The following SLC22A11 variants were observed in gnomAD, a reference collection of about 807,000 sequenced individuals.
The protein encoded by SLC22A11 is organic anion transporter 4.
SLC22A11 carries 42 observed loss-of-function variants against 49.4 expected under a neutral mutation model. The observed-to-expected ratio is 0.85, with a 90% CI of 0.66 to 1.10. The LOEUF is 1.10. SLC22A11 is among the 50% of genes least tolerant of loss of function. SLC22A11 has a pLI of 0.00. For synonymous variants in SLC22A11, 304 were observed against 315.8 expected (o/e 0.96, Z 0.40); for missense variants, 685 against 731.6 (o/e 0.94, Z 0.74).
Position 64,556,311 on chromosome 11 carries a change from C to A in SLC22A11, c.312C>A (p.Ser104Arg), listed in dbSNP as rs2277313. ...QLLDPNATATSWSEADTEPCV... is the reference protein window; with the variant it reads ...QLLDPNATATRWSEADTEPCV... ...TGGACCCCAATGCCACGGCCACCAGCTGGAGCGAAGCTGACACGGAGCCGT... is the reference window on the plus strand; with the variant it reads ...TGGACCCCAATGCCACGGCCACCAGATGGAGCGAAGCTGACACGGAGCCGT... The change falls in exon 1 of 10, where the codon AGC (serine) becomes AGA (arginine). Residue 104 changes from serine to arginine, a missense_variant. Transcript: ENST00000301891. 1 of 1,613,670 alleles carries A rather than the reference C, an allele frequency of 6.2e-7. No homozygotes were observed. Among genetic ancestry groups the A allele is most frequent in the Middle Eastern group, 1.7e-4 (1 of 6,060 alleles).
Position 64,570,982 on chromosome 11 carries a change from A to G in SLC22A11, c.1593A>G (p.Lys531=). The part of the protein sequence containing the change: ...PDTIQDLESQ[K]STAAQGNRQE... ...GCTTTTCTTTGGATTATTCTAGGAA[A>G]TCAACAGCAGCCCAGGGCAACCGGC... The change falls in exon 10 of 10, where the codon AAA becomes AAG. Residue 531 remains lysine, a synonymous_variant. Coordinates refer to ENST00000301891, the MANE Select transcript of SLC22A11 (RefSeq NM_018484.4). The G allele has an allele frequency of 6.2e-7, 1 of 1,614,198 alleles. No homozygotes were observed. Among genetic ancestry groups the G allele is most frequent in the Non-Finnish European group, 8.5e-7 (1 of 1,180,030 alleles).
chr11:64,560,096 G>A (rs1032010339), intron 2 of SLC22A11, among the ~76,000 whole-genome samples: 12 of 129,290 alleles, frequency 9.3e-5, no homozygotes, highest in African/African-American at 2.1e-4. Flanking sequence ...AGCCTCCATC[G>A]GAGGACACAG....
chr11:64,562,852 A>C lies in SLC22A11; in HGVS notation c.821+417A>C, dbSNP rs523237. Among the ~76,000 whole-genome samples the C allele has an allele frequency of 0.73, 111,163 of 152,134 alleles. 41,128 individuals are homozygous for C. The highest frequency in any genetic ancestry group is 0.84 in the African/African-American group (35,007 of 41,514). ...GGAAGCGGCCGCTCTCCCGGTCCCC[A>C]AGGCCCCACTGCCGCTGTCCCCTGG... On this transcript the variant is annotated intron_variant, in intron 4 of 9. Transcript: ENST00000301891. This position sits in a 1 kb window ranked among gnomAD's most constrained non-coding sequence, Gnocchi z 4.4.
At chr11:64,558,356 T>C (rs2038492322) in intron 1 of SLC22A11, among the ~76,000 whole-genome samples, 1 of 151,938 alleles carries the variant, frequency 6.6e-6, no homozygotes, top group South Asian at 2.1e-4. Flanking sequence ...AGAAGCTCTG[T>C]GGGGGGATGG....
chr11:64,561,313 G>T (rs914097643), intron 2 of SLC22A11, among the ~76,000 whole-genome samples: 2 of 152,180 alleles, frequency 1.3e-5, no homozygotes, highest in African/African-American at 4.8e-5. Flanking sequence ...GCCCTGTGAG[G>T]CATGTCCTTA....
chr11:64,569,829 C>T lies in SLC22A11; in HGVS notation c.1560C>T (p.Leu520=), dbSNP rs2038680819. The T allele has an allele frequency of 2.5e-6, 4 of 1,613,644 alleles. No individual in the cohort carries two copies. The highest frequency in any genetic ancestry group is 3.4e-6 in the Non-Finnish European group (4 of 1,180,048). The stretch of plus-strand genomic sequence containing the variant: ...TCCCGGAGACCCAGGGACTTCCGCT[C>T]CCTGACACTATCCAGGACCTGGAGA... ...FFLPETQGLP[L]PDTIQDLESQ... Residue 520 remains leucine (L), a synonymous_variant, in exon 9 of 10, where the codon CTC becomes CTT. Coordinates refer to ENST00000301891, the MANE Select transcript of SLC22A11 (RefSeq NM_018484.4).
chr11:64,561,638 T>C (rs535183461), intron 2 of SLC22A11, among the ~76,000 whole-genome samples: 2 of 142,010 alleles, frequency 1.4e-5, no homozygotes, highest in Non-Finnish European at 3.0e-5. Flanking sequence ...TTTATTTATT[T>C]ATTTATTTAT....
chr11:64,564,356 C>T lies in SLC22A11; in HGVS notation c.870C>T (p.Asp290=), dbSNP rs765281512. The T allele has an allele frequency of 6.2e-7, 1 of 1,614,008 alleles. No individual in the cohort carries two copies. The highest frequency in any genetic ancestry group is 1.3e-5 in the African/African-American group (1 of 74,910). The part of the protein sequence containing the change: ...ARWLIIKGKP[D]QALQELRKVA... The stretch of plus-strand genomic sequence containing the variant: ...GGCTGATTATTAAGGGCAAACCAGA[C>T]CAAGCACTTCAGGAGCTCAGAAAGG... The change falls in exon 5 of 10, where the codon GAC becomes GAT. Residue 290 remains aspartate, a synonymous_variant. Transcript: ENST00000301891. This position sits in a 1 kb window ranked among gnomAD's most constrained non-coding sequence, Gnocchi z 4.2.
chr11:64,557,369 T>C (rs2038476874), intron 1 of SLC22A11, among the ~76,000 whole-genome samples: 1 of 152,072 alleles, frequency 6.6e-6, no homozygotes, highest in Non-Finnish European at 1.5e-5. Flanking sequence ...AAAAGCAAGG[T>C]TGCGAGGGGT....
In SLC22A11 at chr11:64,564,569, A is replaced by C; in HGVS notation, c.942+141A>C. 1.1e-6 allele frequency: 1 copy of C among 931,378 alleles called. No individual in the cohort carries two copies. Among genetic ancestry groups the C allele is most frequent in the South Asian group, 1.6e-5 (1 of 60,860 alleles). 57.7% of individuals were successfully genotyped at this position (931,378 alleles called of 1,614,324 possible). A position where few individuals can be genotyped will look rare whatever the true frequency, so the allele number is the denominator to read the frequency against. ...CAGCATCTCCACAGACACCACCAACACCTCCATCACCACCTCCACACAGAC... is the reference window on the plus strand; with the variant it reads ...CAGCATCTCCACAGACACCACCAACCCCTCCATCACCACCTCCACACAGAC... On this transcript the variant is annotated intron_variant, in intron 5 of 9. Coordinates refer to ENST00000301891, the MANE Select transcript of SLC22A11 (RefSeq NM_018484.4). The surrounding 1 kb of genome is among the most constrained non-coding windows in gnomAD (Gnocchi z 4.2).
chr11:64,570,937 C>G (rs2038695239), intron 9 of SLC22A11, 42 bp from the exon 10 acceptor site: 1 of 1,608,868 alleles, frequency 6.2e-7, no homozygotes, highest in Middle Eastern at 1.7e-4. Flanking sequence ...GAGTACATAC[C>G]CACTTCACCA....
Position 64,567,700 on chromosome 11 carries a change from T to A in SLC22A11, c.1160T>A (p.Leu387Gln), listed in dbSNP as rs540715201. 2 of 1,613,936 alleles carry A rather than the reference T, an allele frequency of 1.2e-6. No individual in the cohort carries two copies. The highest frequency in any genetic ancestry group is 2.2e-5 in the East Asian group (1 of 44,868). The part of the protein sequence containing the change: ...LQALFGAVDF[L>Q]GRATTALLLS... ...GCCCTCTTCGGGGCCGTGGACTTCC[T>A]GGGCCGGGCCACCACTGCCCTCTTG... The change falls in exon 7 of 10, where the codon CTG becomes CAG. Residue 387 changes from leucine to glutamine, a missense_variant. Coordinates refer to ENST00000301891, the MANE Select transcript of SLC22A11 (RefSeq NM_018484.4).
At chr11:64,568,603 C>G in intron 7 of SLC22A11, 67 bp from the exon 8 acceptor site, 1 of 1,358,312 alleles carries the variant, frequency 7.4e-7, no homozygotes, top group Non-Finnish European at 1.1e-6. Context: ...GCTGGCTGGC[C>G]GCACACTGAC....
chr11:64,559,746 C>A (rs1173485346), intron 2 of SLC22A11, among the ~76,000 whole-genome samples: 1 of 152,144 alleles, frequency 6.6e-6, no homozygotes. Flanking sequence ...CAGCTTGGAG[C>A]CAAGCAGGGC....
At chr11:64,558,275 C>A (rs1168399228) in intron 1 of SLC22A11, among the ~76,000 whole-genome samples, 1 of 152,172 alleles carries the variant, frequency 6.6e-6, no homozygotes, top group Non-Finnish European at 1.5e-5. Flanking sequence ...TCGTCATCCT[C>A]ATTGGAGGGT....
intron 1 of SLC22A11, 32 bp downstream of exon 1, chr11:64,556,424 G>A (rs750244256): frequency 1.4e-5 from 22 of 1,602,470 alleles, no homozygotes; most frequent in East Asian, 8.9e-5. Flanking sequence ...CTCGAGTCCC[G>A]TCACCTTGGA....
At chr11:64,563,147 C>T (rs548196594) in intron 4 of SLC22A11, among the ~76,000 whole-genome samples, 2 of 152,042 alleles carry the variant, frequency 1.3e-5, no homozygotes, top group Non-Finnish European at 2.9e-5. Context: ...GTGGAGCTTA[C>T]GTTTCATACA....
Position 64,572,645 on chromosome 11 carries a change from T to C in SLC22A11, c.*1603T>C, listed in dbSNP as rs17159321. The C allele has an allele frequency of 0.1, 15,813 of 152,216 alleles. 2,712 individuals are homozygous for C. Among genetic ancestry groups the C allele is most frequent in the African/African-American group, 0.36 (14,851 of 41,440 alleles). 9.4% of individuals were successfully genotyped at this position (152,216 alleles called of 1,614,324 possible). On this transcript the variant is annotated 3_prime_UTR_variant, in exon 10 of 10. Transcript: ENST00000301891. Reference sequence around the variant, plus strand: ...TCCAAACTGGTCCCTGATGTCTACATTGCACTCTGCACAACAGCCACCATG... The same window carrying C: ...TCCAAACTGGTCCCTGATGTCTACACTGCACTCTGCACAACAGCCACCATG...
rs2135428388 is a variant in SLC22A11, at chr11:64,571,226, T to C, written c.*184T>C. 2 of 625,154 alleles carry C rather than the reference T, an allele frequency of 3.2e-6. No individual in the cohort carries two copies. Among genetic ancestry groups the C allele is most frequent in the Non-Finnish European group, 5.6e-6 (2 of 355,040 alleles). 38.7% of individuals were successfully genotyped at this position (625,154 alleles called of 1,614,324 possible). Reference sequence around the variant, plus strand: ...GCTGAAGGCAGCTTCCACAGCTCACTCCTCTTCTCCCTGCCCTGATCAGAT... The same window carrying C: ...GCTGAAGGCAGCTTCCACAGCTCACCCCTCTTCTCCCTGCCCTGATCAGAT... On this transcript the variant is annotated 3_prime_UTR_variant, in exon 10 of 10. Coordinates refer to ENST00000301891, the MANE Select transcript of SLC22A11 (RefSeq NM_018484.4).
Sources: allele counts gnomAD v4.1 joint callset (sites outside exome capture counted in the v4.1 genomes callset), GRCh38; gene constraint gnomAD v4.1.1; non-coding constraint Gnocchi (gnomAD v3.1); transcripts MANE v1.5; gene names NCBI Gene and HGNC (gene_info 2026-07-23, HGNC 2026-07-21).